The following ATXN1 variants were observed in gnomAD, a reference collection of about 807,000 sequenced individuals.
ATXN1 encodes the protein ataxin-1.
Under a neutral mutation model 56.4 loss-of-function variants are expected in ATXN1, and 8 were observed. The ratio of observed to expected loss-of-function variants is 0.14; its 90% CI spans 0.08 to 0.26. The LOEUF is 0.26. Ranked by LOEUF, ATXN1 falls within the 10% of genes least tolerant of loss-of-function variation. ATXN1 has a pLI of 1.00. For synonymous variants in ATXN1, 514 were observed against 494.6 expected, an observed-to-expected ratio of 1.04 and a Z score of -0.52; for missense variants, 987 against 1,106.5, an observed-to-expected ratio of 0.89 and a Z score of 1.53.
intron 3 of ATXN1, among the ~76,000 whole-genome samples, chr6:16,648,604 G>A (rs1244854536): frequency 6.6e-6 from 1 of 152,184 alleles, no homozygotes; most frequent in Non-Finnish European, 1.5e-5. Flanking sequence ...CAGCTGAAGG[G>A]TCAGGTTTTT....
intron 6 of ATXN1, among the ~76,000 whole-genome samples, chr6:16,354,865 G>A (rs2113465760): frequency 6.6e-6 from 1 of 152,316 alleles, no homozygotes; most frequent in Non-Finnish European, 1.5e-5. Context: ...TCTACAGAGT[G>A]GAGCAGCAGC....
At chr6:16,739,161 C>G (rs1409351800) in intron 2 of ATXN1, 1 of 128,116 alleles carries the variant, frequency 7.8e-6, no homozygotes, top group East Asian at 2.3e-4. Context: ...GGTTGTGTTA[C>G]GACTTGTTAA....
chr6:16,325,433 A>G (rs1760780380), intron 7 of ATXN1, among the ~76,000 whole-genome samples: 2 of 151,700 alleles, frequency 1.3e-5, no homozygotes, highest in Admixed American at 1.3e-4. Context: ...ACCTGTATTG[A>G]TCACCCCAGC....
At chr6:16,670,463 G>T (rs748263897) in intron 2 of ATXN1, among the ~76,000 whole-genome samples, 3 of 152,152 alleles carry the variant, frequency 2.0e-5, no homozygotes, top group Non-Finnish European at 4.4e-5. Flanking sequence ...TACTCTCTGC[G>T]ATCTTCCTCT....
At chr6:16,644,677 G>C (rs1173865237) in intron 3 of ATXN1, among the ~76,000 whole-genome samples, 1 of 151,964 alleles carries the variant, frequency 6.6e-6, no homozygotes, top group African/African-American at 2.4e-5. Context: ...CCTGGTCCCT[G>C]AGACACAGCG....
chr6:16,701,555 G>C (rs1222739144), intron 2 of ATXN1, among the ~76,000 whole-genome samples: 1 of 152,208 alleles, frequency 6.6e-6, no homozygotes, highest in African/African-American at 2.4e-5. Flanking sequence ...GTCCCTGTTT[G>C]CAGATGACAT....
rs555692568 is a variant in ATXN1, at chr6:16,715,322, AC to A, written c.-615+37910del. On this transcript the variant is annotated intron_variant, in intron 2 of 7. Coordinates refer to ENST00000436367, the MANE Select transcript of ATXN1 (RefSeq NM_001128164.2). Reference sequence around the variant, plus strand: ...TTTAACGTTAGAGATAAAGACTCTTACAGCTGAGGTATGTTAAATAACTTGC... The same window carrying A: ...TTTAACGTTAGAGATAAAGACTCTTAAGCTGAGGTATGTTAAATAACTTGC... Among the ~76,000 whole-genome samples, 533 of 152,352 alleles carry A rather than the reference AC, an allele frequency of 3.5e-3. 2 individuals are homozygous for A. The highest frequency in any genetic ancestry group is 0.014 in the Middle Eastern group (4 of 294).
At chr6:16,354,267 T>A (rs1761638184) in intron 6 of ATXN1, among the ~76,000 whole-genome samples, 1 of 151,988 alleles carries the variant, frequency 6.6e-6, no homozygotes, top group Non-Finnish European at 1.5e-5. Flanking sequence ...TTCACTTATT[T>A]TTTTTTTTGA....
intron 4 of ATXN1, among the ~76,000 whole-genome samples, chr6:16,574,406 T>C (rs541829831): frequency 2.0e-5 from 3 of 152,090 alleles, no homozygotes; most frequent in Non-Finnish European, 4.4e-5. Flanking sequence ...ACGGGGTTTC[T>C]CCATGTTGCT....
chr6:16,547,454 C>T (rs951393414), intron 4 of ATXN1, among the ~76,000 whole-genome samples: 11 of 152,158 alleles, frequency 7.2e-5, no homozygotes, highest in African/African-American at 2.2e-4. Flanking sequence ...GTGCACCAGG[C>T]GTCAGAGAGA....
intron 2 of ATXN1, among the ~76,000 whole-genome samples, chr6:16,703,776 T>C (rs1471107732): frequency 1.3e-5 from 2 of 152,302 alleles, no homozygotes; most frequent in Middle Eastern, 3.4e-3. Context: ...TCCCGGCACT[T>C]TGGGAGGCCG....
At chr6:16,594,697 G>A (rs183801251) in intron 3 of ATXN1, among the ~76,000 whole-genome samples, 4 of 152,138 alleles carry the variant, frequency 2.6e-5, no homozygotes, top group Admixed American at 6.5e-5. Flanking sequence ...TGGCCAGGAC[G>A]GTCTGGATCT....
intron 2 of ATXN1, among the ~76,000 whole-genome samples, chr6:16,700,292 A>G (rs1759254405): frequency 1.3e-5 from 2 of 152,070 alleles, no homozygotes; most frequent in Admixed American, 1.3e-4. Context: ...GGACTTGGGG[A>G]TGTACTTCTC....
rs184124246 is a variant in ATXN1, at chr6:16,668,724, G to T, written c.-614-10823C>A. On this transcript the variant is annotated intron_variant, in intron 2 of 7. Coordinates refer to ENST00000436367, the MANE Select transcript of ATXN1 (RefSeq NM_001128164.2). ...GTTCCATGCCCTGTTCAAGCATTTC[G>T]TATACCTCTGTTTTCAGTAGGAATG... 2.4e-3 allele frequency among the ~76,000 whole-genome samples: 370 copies of T among 152,140 alleles called. 1 individual carries two copies. Among genetic ancestry groups the T allele is most frequent in the African/African-American group, 8.3e-3 (344 of 41,522 alleles).
At chr6:16,623,508 C>A (rs79881757) in intron 3 of ATXN1, among the ~76,000 whole-genome samples, 5,634 of 152,286 alleles carry the variant, frequency 0.037, 253 homozygotes, top group African/African-American at 0.1. Context: ...GCCAACTCAT[C>A]ACAATCAACT....
chr6:16,629,616 T>C (rs917303920), intron 3 of ATXN1, among the ~76,000 whole-genome samples: 1 of 152,066 alleles, frequency 6.6e-6, no homozygotes, highest in Admixed American at 6.6e-5. Context: ...ATAACCTTTT[T>C]AAAAATATAT....
chr6:16,713,878 C>T (rs912733412), intron 2 of ATXN1, among the ~76,000 whole-genome samples: 1 of 152,206 alleles, frequency 6.6e-6, no homozygotes, highest in African/African-American at 2.4e-5. Flanking sequence ...TGGTCCCTGG[C>T]CGCGCGTAGT....
intron 2 of ATXN1, among the ~76,000 whole-genome samples, chr6:16,710,420 T>G (rs1759498426): frequency 6.6e-6 from 1 of 152,104 alleles, no homozygotes; most frequent in East Asian, 1.9e-4. Context: ...TCTAACAGGC[T>G]TTTTTGGGGG....
intron 3 of ATXN1, among the ~76,000 whole-genome samples, chr6:16,614,308 G>T (rs1355067458): frequency 1.3e-5 from 2 of 151,060 alleles, no homozygotes; most frequent in Non-Finnish European, 2.9e-5. Context: ...CTTAAGAATG[G>T]TTCTCTTTTA....
Sources: allele counts gnomAD v4.1 joint callset (sites outside exome capture counted in the v4.1 genomes callset), GRCh38; gene constraint gnomAD v4.1.1; transcripts MANE v1.5; gene names NCBI Gene and HGNC (gene_info 2026-07-23, HGNC 2026-07-21).